MAGI2: variants seen among roughly 807,000 people sequenced by gnomAD.
MAGI2 encodes the protein membrane-associated guanylate kinase, WW and PDZ domain-containing protein 2.
A neutral mutation model predicts 133.3 loss-of-function variants in MAGI2; 35 were observed. That is an observed-to-expected ratio of 0.26 (90% confidence interval 0.20 to 0.35). The LOEUF is 0.35. Among genes scored for constraint, MAGI2 ranks in the 10% least tolerant of loss-of-function variants. The pLI is 1.00. For synonymous variants in MAGI2, 729 were observed against 710.6 expected, an observed-to-expected ratio of 1.03 and a Z score of -0.41; for missense variants, 1,636 against 1,863.4, an observed-to-expected ratio of 0.88 and a Z score of 2.25.
chr7:78,567,643 T>A lies in MAGI2; in HGVS notation c.539-45998A>T, dbSNP rs183394021. On this transcript the variant is annotated intron_variant, in intron 3 of 21. Transcript: ENST00000354212. ...CAGCTTCCTTCTCTCTCTCCCCTACTCAATAACATCACTCCTGCAGTGGCT... is the reference window on the plus strand; with the variant it reads ...CAGCTTCCTTCTCTCTCTCCCCTACACAATAACATCACTCCTGCAGTGGCT... Among the ~76,000 whole-genome samples the A allele has an allele frequency of 2.0e-5, 3 of 152,238 alleles. No homozygotes were observed. In the East Asian group the frequency reaches 5.8e-4, roughly 29 times the overall value.
At chr7:78,543,803 A>G (rs893038047) in intron 3 of MAGI2, among the ~76,000 whole-genome samples, 1 of 152,242 alleles carries the variant, frequency 6.6e-6, no homozygotes, top group African/African-American at 2.4e-5. Flanking sequence ...TTATTTTAAA[A>G]AGGTGAGTGC....
At chr7:78,848,132 A>G (rs566269091) in intron 2 of MAGI2, among the ~76,000 whole-genome samples, 7 of 151,972 alleles carry the variant, frequency 4.6e-5, no homozygotes, top group South Asian at 4.1e-4. Flanking sequence ...TGGCATCTCT[A>G]CTTGGCTGTC....
At chr7:79,357,601 T>C (rs1002649226) in intron 1 of MAGI2, among the ~76,000 whole-genome samples, 10 of 152,160 alleles carry the variant, frequency 6.6e-5, no homozygotes, top group Admixed American at 1.3e-4. Context: ...ATGCGGAAAC[T>C]AAGAGAAGCT....
At chr7:78,412,748 A>G (rs1797977694) in intron 6 of MAGI2, among the ~76,000 whole-genome samples, 1 of 152,024 alleles carries the variant, frequency 6.6e-6, no homozygotes, top group Non-Finnish European at 1.5e-5. Context: ...ATATTTGAGA[A>G]CAGTTTGTTA....
At chr7:79,029,347 T>C (rs1810336691) in intron 1 of MAGI2, among the ~76,000 whole-genome samples, 1 of 152,140 alleles carries the variant, frequency 6.6e-6, no homozygotes, top group Non-Finnish European at 1.5e-5. Flanking sequence ...TTTGAAGTCA[T>C]TCATTAAAGA....
intron 2 of MAGI2, among the ~76,000 whole-genome samples, chr7:78,965,517 A>C (rs766986468): frequency 1.3e-5 from 2 of 151,938 alleles, no homozygotes; most frequent in Non-Finnish European, 2.9e-5. Flanking sequence ...TAAATATCTC[A>C]GTCTCTCTGT....
intron 2 of MAGI2, among the ~76,000 whole-genome samples, chr7:78,970,275 A>C (rs1187245076): frequency 6.6e-6 from 1 of 152,000 alleles, no homozygotes; most frequent in Non-Finnish European, 1.5e-5. Flanking sequence ...GACTTATTTT[A>C]TTTTATCCTT....
intron 6 of MAGI2, among the ~76,000 whole-genome samples, chr7:78,430,342 C>A (rs1027397021): frequency 1.5e-5 from 2 of 134,472 alleles, no homozygotes; most frequent in African/African-American, 2.8e-5. Flanking sequence ...CATATATATT[C>A]TACAGCTAAA....
chr7:79,076,940 A>G (rs1815516653), intron 1 of MAGI2, among the ~76,000 whole-genome samples: 1 of 152,218 alleles, frequency 6.6e-6, no homozygotes, highest in Non-Finnish European at 1.5e-5. Flanking sequence ...CCTGGTTACT[A>G]CATCCCAAAA....
At chr7:78,935,573 G>A (rs1418888088) in intron 2 of MAGI2, among the ~76,000 whole-genome samples, 2 of 152,032 alleles carry the variant, frequency 1.3e-5, no homozygotes, top group East Asian at 1.9e-4. Flanking sequence ...ATCAGGCATG[G>A]AATGTCTACC....
intron 1 of MAGI2, among the ~76,000 whole-genome samples, chr7:79,368,650 C>T (rs1029649175): frequency 2.0e-5 from 3 of 151,622 alleles, no homozygotes; most frequent in Non-Finnish European, 2.9e-5. Flanking sequence ...AGATCGAGAC[C>T]ATCCCGGCTA....
At chr7:78,209,747 T>C (rs117744707) in intron 10 of MAGI2, among the ~76,000 whole-genome samples, 1,763 of 152,318 alleles carry the variant, frequency 0.012, 12 homozygotes, top group South Asian at 0.02. Context: ...TGAATTTGAT[T>C]ATGCTTGAAA....
chr7:78,969,504 G>A (rs531874007), intron 2 of MAGI2, among the ~76,000 whole-genome samples: 2 of 151,960 alleles, frequency 1.3e-5, no homozygotes, highest in African/African-American at 4.8e-5. Context: ...ATATTTCCCC[G>A]GACAATGAAG....
intron 10 of MAGI2, among the ~76,000 whole-genome samples, chr7:78,227,601 A>G (rs894640732): frequency 6.6e-6 from 1 of 152,164 alleles, no homozygotes; most frequent in African/African-American, 2.4e-5. Context: ...TTTGCATCAT[A>G]GGATTTAGAC....
rs1287162065 is a variant in MAGI2 at position 79,028,388 on chromosome 7, C to T, written c.302-21182G>A. On this transcript the variant is annotated intron_variant, in intron 1 of 21. Coordinates refer to ENST00000354212, the MANE Select transcript of MAGI2 (RefSeq NM_012301.4). ...ACACACACATGCATACGCATCTACA[C>T]AGATACACATATGATGCATAATTTC... 2.7e-5 allele frequency among the ~76,000 whole-genome samples: 4 copies of T among 148,662 alleles called. No individual in the cohort carries two copies. The East Asian group carries it at 5.9e-4, about 22-fold the overall frequency.
chr7:78,779,636 C>A (rs114861149), intron 2 of MAGI2, among the ~76,000 whole-genome samples: 2 of 152,090 alleles, frequency 1.3e-5, no homozygotes, highest in Admixed American at 1.3e-4. Context: ...ACCTTCTCTT[C>A]GAAACACAGA....
chr7:78,038,066 G>A (rs191978049), intron 21 of MAGI2, among the ~76,000 whole-genome samples: 18 of 152,158 alleles, frequency 1.2e-4, no homozygotes, highest in Non-Finnish European at 2.2e-4. Context: ...TTCCTTCTTC[G>A]TTTCTTTTAC....
In MAGI2 at chr7:78,606,701, C is replaced by G. The variant is rs1805849779; in HGVS notation, c.538+20419G>C. 2.0e-5 allele frequency among the ~76,000 whole-genome samples: 3 copies of G among 152,132 alleles called. No individual in the cohort carries two copies. The South Asian group carries it at 6.2e-4, about 31-fold the overall frequency. ...TGATGGCCTACTTTTGACAAAGAAT[C>G]AGGTTTATAGTGTTTGAATTTTATG... is the stretch of plus-strand genomic sequence containing the variant. On this transcript the variant is annotated intron_variant, in intron 3 of 21. Transcript: ENST00000354212.
At chr7:78,463,006 G>A (rs922687360) in intron 6 of MAGI2, among the ~76,000 whole-genome samples, 1 of 152,202 alleles carries the variant, frequency 6.6e-6, no homozygotes, top group African/African-American at 2.4e-5. Context: ...ACAGTCAATG[G>A]AGTGTAGACT....
Sources: gnomAD v4.1 joint callset for allele counts (sites outside exome capture counted in the v4.1 genomes callset) on GRCh38, gnomAD v4.1.1 for gene constraint, MANE v1.5 for transcripts, NCBI Gene and HGNC (gene_info 2026-07-23, HGNC 2026-07-21) for gene names.